The following PACRG variants were observed in gnomAD, a reference collection of about 807,000 sequenced individuals.
PACRG encodes parkin coregulated.
PACRG carries 29 observed loss-of-function variants against 29.7 expected under a neutral mutation model. The ratio of observed to expected loss-of-function variants is 0.98; its 90% CI spans 0.73 to 1.33. The LOEUF (loss-of-function observed/expected upper bound fraction) is 1.33, where lower values mean the gene tolerates loss of function less well. Among genes scored for constraint, PACRG ranks in the 40% most tolerant of loss-of-function variants. The pLI is 0.00. For synonymous variants in PACRG, 116 were observed against 118.7 expected, an observed-to-expected ratio of 0.98 and a Z score of 0.15; for missense variants, 279 against 316.2, an observed-to-expected ratio of 0.88 and a Z score of 0.89.
At chr6:162,823,057 C>T (rs1194629499) in intron 2 of PACRG, among the ~76,000 whole-genome samples, 2 of 152,006 alleles carry the variant, frequency 1.3e-5, no homozygotes, top group Non-Finnish European at 2.9e-5. Context: ...TTTTCTGTAT[C>T]TTCACAGATA....
intron 4 of PACRG, among the ~76,000 whole-genome samples, chr6:163,275,428 G>A (rs985549903): frequency 3.3e-5 from 5 of 152,036 alleles, no homozygotes; most frequent in African/African-American, 4.8e-5. Flanking sequence ...TTTTGTCATC[G>A]CTAGGTTGCC....
intron 1 of PACRG, among the ~76,000 whole-genome samples, chr6:162,801,184 A>C (rs1704602331): frequency 6.6e-6 from 1 of 151,994 alleles, no homozygotes; most frequent in Non-Finnish European, 1.5e-5. Context: ...ATCTTGCCTC[A>C]CTGCAACTCC....
At chr6:162,897,206 CCAA>C (rs1432801776) in intron 2 of PACRG, among the ~76,000 whole-genome samples, 5 of 152,300 alleles carry the variant, frequency 3.3e-5, no homozygotes, top group Middle Eastern at 6.8e-3. Context: ...CATGATATAA[CCAA>C]CAACAAGTCA....
chr6:163,164,607 G>A (rs111275206), intron 4 of PACRG, among the ~76,000 whole-genome samples: 1 of 152,202 alleles, frequency 6.6e-6, no homozygotes, highest in Admixed American at 6.5e-5. Flanking sequence ...CTCCAGGAAC[G>A]ATGCGGGCTG....
intron 2 of PACRG, among the ~76,000 whole-genome samples, chr6:162,975,901 A>G (rs1801913998): frequency 1.3e-5 from 2 of 152,006 alleles, no homozygotes; most frequent in Non-Finnish European, 2.9e-5. Context: ...ACTGCACTGT[A>G]AATACAAAGA....
In PACRG at chr6:162,773,670, G is replaced by A. The variant is rs534030121; in HGVS notation, c.157-40477G>A. Among the ~76,000 whole-genome samples the A allele has an allele frequency of 6.9e-3, 1,041 of 151,274 alleles. 3 individuals carry two copies. The highest frequency in any genetic ancestry group is 0.011 in the South Asian group (54 of 4,784). ...GCTGGGACTACAGGCGCCCGCCACC[G>A]CGCCCGGCTAATTTTTTTGTATTTT... On this transcript the variant is annotated intron_variant, in intron 1 of 4. Transcript: ENST00000366888.
chr6:163,024,745 A>C (rs1427525935), intron 2 of PACRG, among the ~76,000 whole-genome samples: 1 of 152,092 alleles, frequency 6.6e-6, no homozygotes, highest in African/African-American at 2.4e-5. Context: ...GCAGTGTCTT[A>C]TAGTTCTCCT....
intron 1 of PACRG, among the ~76,000 whole-genome samples, chr6:162,772,303 C>T (rs1050756292): frequency 1.3e-5 from 2 of 151,976 alleles, no homozygotes; most frequent in African/African-American, 2.4e-5. Context: ...GTGTTGGATG[C>T]GGTAAAGCTT....
chr6:163,074,029 TAA>T (rs962142864), intron 3 of PACRG, among the ~76,000 whole-genome samples: 1 of 152,030 alleles, frequency 6.6e-6, no homozygotes. Flanking sequence ...CTCAAAAAAC[TAA>T]AAGAGAGCTG....
At chr6:162,875,463 T>TCA (rs1271297893) in intron 2 of PACRG, among the ~76,000 whole-genome samples, 1 of 152,162 alleles carries the variant, frequency 6.6e-6, no homozygotes, top group African/African-American at 2.4e-5. Context: ...ACACAGACAT[T>TCA]CACACACACA....
chr6:163,133,896 A>G (rs2128330602), intron 4 of PACRG, among the ~76,000 whole-genome samples: 1 of 152,362 alleles, frequency 6.6e-6, no homozygotes, highest in African/African-American at 2.4e-5. Context: ...TTAAACGTAA[A>G]CATTTAAAAC....
chr6:162,962,106 TCTGAACC>T (rs1169494818), intron 2 of PACRG, among the ~76,000 whole-genome samples: 2 of 152,166 alleles, frequency 1.3e-5, no homozygotes, highest in Non-Finnish European at 2.9e-5. Context: ...CCCCCTCTTC[TCTGAACC>T]CTTTTCTGGC....
chr6:163,081,933 G>T (rs1435296487), intron 3 of PACRG, among the ~76,000 whole-genome samples: 1 of 152,056 alleles, frequency 6.6e-6, no homozygotes, highest in Non-Finnish European at 1.5e-5. Flanking sequence ...GACCAAAAAA[G>T]GAGAGATAAA....
intron 1 of PACRG, among the ~76,000 whole-genome samples, chr6:162,807,368 A>G (rs536970953): frequency 9.2e-5 from 14 of 152,268 alleles, no homozygotes; most frequent in African/African-American, 2.9e-4. Context: ...CTGGTGTCCA[A>G]TATGCCTTCT....
chr6:163,052,489 A>G (rs1416462749), intron 2 of PACRG, among the ~76,000 whole-genome samples: 1 of 152,190 alleles, frequency 6.6e-6, no homozygotes, highest in Admixed American at 6.5e-5. Context: ...GCCCCCACCC[A>G]AATCTCATCT....
chr6:162,729,860 T>C (rs558358061), intron 1 of PACRG, among the ~76,000 whole-genome samples: 1 of 152,254 alleles, frequency 6.6e-6, no homozygotes, highest in East Asian at 1.9e-4. Context: ...ATGTAATAAG[T>C]ATGCCTACAT....
At chr6:162,792,222 G>A (rs1351554453) in intron 1 of PACRG, among the ~76,000 whole-genome samples, 1 of 152,094 alleles carries the variant, frequency 6.6e-6, no homozygotes, top group Admixed American at 6.6e-5. Flanking sequence ...AACTAAGGGT[G>A]GGTTAAGGGA....
At chr6:163,188,687 A>C (rs984115152) in intron 4 of PACRG, among the ~76,000 whole-genome samples, 1 of 152,144 alleles carries the variant, frequency 6.6e-6, no homozygotes, top group Admixed American at 6.5e-5. Flanking sequence ...GTCTAGTTTC[A>C]TTTTTGTTAC....
intron 2 of PACRG, among the ~76,000 whole-genome samples, chr6:162,820,967 A>G (rs945270342): frequency 2.7e-5 from 4 of 148,088 alleles, no homozygotes; most frequent in Non-Finnish European, 5.9e-5. Context: ...AGAAGTTTTG[A>G]AAAAAAAAAT....
Sources: allele counts gnomAD v4.1 joint callset (sites outside exome capture counted in the v4.1 genomes callset), GRCh38; gene constraint gnomAD v4.1.1; transcripts MANE v1.5; gene names NCBI Gene and HGNC (gene_info 2026-07-23, HGNC 2026-07-21).